Variants in SAP18 observed in about 807,000 individuals in gnomAD.
SAP18 encodes Sin3A associated protein 18.
In SAP18, 4 loss-of-function variants were observed where a neutral mutation model predicts 18.6. The observed-to-expected ratio is 0.21, with a 90% confidence interval of 0.11 to 0.49. The LOEUF (loss-of-function observed/expected upper bound fraction) is 0.49. Among genes scored for constraint, SAP18 ranks in the 20% least tolerant of loss-of-function variants. The pLI is 0.98. For missense variants in SAP18, 170 were observed against 226.4 expected (o/e 0.75, Z 1.60); for synonymous variants, 112 against 82.8 (o/e 1.35, Z -1.92).
intron 2 of SAP18, 35 bp downstream of exon 2, chr13:21,141,030 C>G: frequency 1.5e-6 from 2 of 1,367,878 alleles, no homozygotes; most frequent in Non-Finnish European, 2.1e-6. Context: ...GGACCCGGGC[C>G]GGGAACCTGG....
chr13:21,146,881 T>C (rs1292926263), exon 3 of SAP18: 1 of 1,613,088 alleles, frequency 6.2e-7, no homozygotes, highest in Non-Finnish European at 8.5e-7. Context: ...GGGCACTCAC[T>C]TCAATTTTGC....
chr13:21,140,478 C>T, upstream of SAP18: 5 of 1,466,552 alleles, frequency 3.4e-6, no homozygotes, highest in Non-Finnish European at 4.6e-6. Flanking sequence ...AGTGCGCCTG[C>T]GCCAGGAGAC....
At chr13:21,147,748 T>TGCAGTTGGAAACA (rs1405803665) in exon 4 of SAP18, 1 of 158,098 alleles carries the variant, frequency 6.3e-6, no homozygotes, top group African/African-American at 2.4e-5. Context: ...GACTGCTGTA[T>TGCAGTTGGAAACA]GCAGTTGGAA....
intron 2 of SAP18, among the ~76,000 whole-genome samples, chr13:21,145,631 G>A (rs922573478): frequency 6.6e-6 from 1 of 152,064 alleles, no homozygotes; most frequent in Non-Finnish European, 1.5e-5. Context: ...TCAGCCTCTC[G>A]AGTAGCTGGG....
At chr13:21,148,475 T>C (rs561804286) in exon 4 of SAP18, 2 of 152,216 alleles carry the variant, frequency 1.3e-5, no homozygotes, top group South Asian at 4.1e-4. Context: ...ATTGAAAATG[T>C]ATATCCCAAA....
chr13:21,146,269 C>G (rs1869647115), intron 2 of SAP18, among the ~76,000 whole-genome samples: 1 of 152,302 alleles, frequency 6.6e-6, no homozygotes, highest in Non-Finnish European at 1.5e-5. Flanking sequence ...ATTGCTTGAA[C>G]CTGGGAGGCG....
chr13:21,146,482 A>G (rs1490276807), intron 2 of SAP18: 1 of 179,062 alleles, frequency 5.6e-6, no homozygotes, highest in Non-Finnish European at 1.2e-5. Flanking sequence ...ATTTGGATTT[A>G]TTTGGACTAG....
chr13:21,148,566 A>G (rs1276342745), exon 4 of SAP18: 1 of 152,188 alleles, frequency 6.6e-6, no homozygotes, highest in Non-Finnish European at 1.5e-5. Context: ...TTAAAATCTG[A>G]TGATTCTGTG....
At chr13:21,142,877 CTG>C (rs1359705411) in intron 2 of SAP18, among the ~76,000 whole-genome samples, 1 of 152,198 alleles carries the variant, frequency 6.6e-6, no homozygotes, top group East Asian at 1.9e-4. Flanking sequence ...TAAGGACACT[CTG>C]TGCCTATTAA....
intron 1 of SAP18, 95 bp from the exon 2 acceptor site, chr13:21,140,791 G>A (rs1869436778): frequency 6.3e-7 from 1 of 1,581,758 alleles, no homozygotes; most frequent in Non-Finnish European, 8.7e-7. Flanking sequence ...GTCTCGGGGA[G>A]GCTCGGAGGC....
intron 2 of SAP18, among the ~76,000 whole-genome samples, chr13:21,142,745 C>CT (rs1331331423): frequency 1.3e-5 from 2 of 152,106 alleles, no homozygotes; most frequent in East Asian, 1.9e-4. Flanking sequence ...CCCATCCTGC[C>CT]TTTTTTTAAT....
At chr13:21,145,655 G>GCC (rs1869624889) in intron 2 of SAP18, among the ~76,000 whole-genome samples, 1 of 152,164 alleles carries the variant, frequency 6.6e-6, no homozygotes, top group Non-Finnish European at 1.5e-5. Context: ...ATAGGCTACA[G>GCC]ATGTGTGCCA....
At chr13:21,147,577 T>C (rs904532971) in exon 4 of SAP18, 15 of 460,912 alleles carry the variant, frequency 3.3e-5, no homozygotes, top group Non-Finnish European at 1.5e-5. Context: ...TGTAAAACTG[T>C]ACTGTTAAAT....
exon 4 of SAP18, chr13:21,147,581 G>T (rs1474215693): frequency 6.7e-6 from 3 of 448,086 alleles, no homozygotes; most frequent in Admixed American, 8.0e-5. Context: ...AAACTGTACT[G>T]TTAAATATAT....
exon 4 of SAP18, chr13:21,147,528 C>G: frequency 3.4e-6 from 2 of 591,902 alleles, no homozygotes; most frequent in South Asian, 4.5e-5. Context: ...GTTTCAAGCC[C>G]TTCTGTAAAA....
chr13:21,140,212 G>A (rs528308007), upstream of SAP18, among the ~76,000 whole-genome samples: 6 of 152,154 alleles, frequency 3.9e-5, no homozygotes, highest in Non-Finnish European at 8.8e-5. Context: ...CTGGTATCGC[G>A]GGCCTGTTCT....
intron 2 of SAP18, among the ~76,000 whole-genome samples, chr13:21,145,761 C>G (rs955349260): frequency 2.1e-4 from 32 of 151,802 alleles, no homozygotes; most frequent in Admixed American, 2.1e-3. Flanking sequence ...TCAGGTGATC[C>G]ACCCGCCTTG....
chr13:21,144,167 G>A (rs1467232410), intron 2 of SAP18, among the ~76,000 whole-genome samples: 1 of 152,114 alleles, frequency 6.6e-6, no homozygotes, highest in East Asian at 1.9e-4. Context: ...AGCACTTTGG[G>A]AGGCCGAGGT....
At chr13:21,148,745 T>A (rs992777316) in exon 4 of SAP18, 1 of 150,804 alleles carries the variant, frequency 6.6e-6, no homozygotes, top group Non-Finnish European at 1.5e-5. Context: ...TAGCCATGAT[T>A]AACTGCTATT....
Sources: gnomAD v4.1 joint callset for allele counts (sites outside exome capture counted in the v4.1 genomes callset) on GRCh38, gnomAD v4.1.1 for gene constraint, MANE v1.5 for transcripts, NCBI Gene and HGNC (gene_info 2026-07-23, HGNC 2026-07-21) for gene names.